The following KIAA1549 variants were observed in gnomAD, a reference collection of about 807,000 sequenced individuals.
KIAA1549 encodes the protein KIAA1549.
In KIAA1549, 70 loss-of-function variants were observed where a neutral mutation model predicts 156.4. The ratio of observed to expected loss-of-function variants is 0.45; its 90% CI spans 0.37 to 0.55. KIAA1549 has a LOEUF of 0.55. Ranked by LOEUF, KIAA1549 falls within the 20% of genes least tolerant of loss-of-function variation. The pLI, the probability that KIAA1549 is intolerant of heterozygous loss-of-function variation, is 0.00. For missense variants in KIAA1549, 2,428 were observed against 2,540.9 expected (o/e 0.96, Z 0.96); for synonymous variants, 1,103 against 1,066.4 (o/e 1.03, Z -0.67).
In KIAA1549 at chr7:138,833,055, G is replaced by A. The variant is rs184304912; in HGVS notation, c.*4851C>T. 41 of 231,926 alleles carry A rather than the reference G, an allele frequency of 1.8e-4. 1 individual carries two copies. Among genetic ancestry groups the A allele is most frequent in the African/African-American group, 6.4e-4 (29 of 45,370 alleles). 14.4% of individuals were successfully genotyped at this position (231,926 alleles called of 1,614,324 possible). A position where few individuals can be genotyped will look rare whatever the true frequency, so the allele number is the denominator to read the frequency against. On this transcript the variant is annotated 3_prime_UTR_variant, in exon 20 of 20. Coordinates refer to ENST00000422774, the MANE Select transcript of KIAA1549 (RefSeq NM_001164665.2). ...TTTGTGTTCACATGCTCTGTCTGCCGGTACAGAAGTGGACTTCCTCCTGCT... is the reference window on the plus strand; with the variant it reads ...TTTGTGTTCACATGCTCTGTCTGCCAGTACAGAAGTGGACTTCCTCCTGCT...
rs1312462035 is a variant in KIAA1549 at position 138,833,644 on chromosome 7, A to AAT, written c.*4260_*4261dup. The AAT allele has an allele frequency of 1.7e-5, 4 of 231,660 alleles. No homozygotes were observed. The highest frequency in any genetic ancestry group is 2.5e-5 in the Non-Finnish European group (3 of 117,664). 14.4% of individuals were successfully genotyped at this position (231,660 alleles called of 1,614,324 possible). On this transcript the variant is annotated 3_prime_UTR_variant, in exon 20 of 20. Coordinates refer to ENST00000422774, the MANE Select transcript of KIAA1549 (RefSeq NM_001164665.2). Reference sequence around the variant, plus strand: ...TGTGTAGGTAGCAGTAAAGAAGCTGAATATATATATAGATAGATAGACAGA... The same window carrying AAT: ...TGTGTAGGTAGCAGTAAAGAAGCTGAATATATATATATAGATAGATAGACAGA...
At chr7:138,892,740 A>T (rs182536042) in intron 10 of KIAA1549, among the ~76,000 whole-genome samples, 3 of 152,352 alleles carry the variant, frequency 2.0e-5, no homozygotes, top group African/African-American at 7.2e-5. Flanking sequence ...AAGTAAAATA[A>T]ATTTTAAAGT....
At chr7:138,867,860 G>A in intron 15 of KIAA1549, 115 bp downstream of exon 15, 1 of 1,138,446 alleles carries the variant, frequency 8.8e-7, no homozygotes, top group Admixed American at 2.3e-5. Flanking sequence ...TCAGGCATCA[G>A]GCACTGATAC....
At chr7:138,874,774 C>T (rs974958514) in intron 12 of KIAA1549, among the ~76,000 whole-genome samples, 10 of 152,106 alleles carry the variant, frequency 6.6e-5, no homozygotes, top group African/African-American at 2.2e-4. Context: ...TAGGCTGAGG[C>T]GGGAGGGTAA....
intron 1 of KIAA1549, among the ~76,000 whole-genome samples, chr7:138,931,600 A>G (rs546379293): frequency 1.6e-4 from 24 of 152,184 alleles, no homozygotes; most frequent in Admixed American, 3.9e-4. Context: ...AAAAATACAA[A>G]AACTAGCCAG....
intron 18 of KIAA1549, among the ~76,000 whole-genome samples, chr7:138,842,556 G>A (rs750608905): frequency 5.9e-5 from 9 of 152,038 alleles, no homozygotes; most frequent in Non-Finnish European, 8.8e-5. Context: ...ACGCAGTGGC[G>A]GGCACCTGTA....
At chr7:138,859,662 C>G (rs1434907784) in intron 16 of KIAA1549, among the ~76,000 whole-genome samples, 1 of 152,188 alleles carries the variant, frequency 6.6e-6, no homozygotes, top group Non-Finnish European at 1.5e-5. Context: ...TGCACCATGA[C>G]TAGAAACTCC....
intron 6 of KIAA1549, among the ~76,000 whole-genome samples, chr7:138,906,244 C>A (rs10954638): frequency 0.15 from 22,647 of 152,220 alleles, 2,049 homozygotes; most frequent in Middle Eastern, 0.24. Flanking sequence ...GAATCCATGC[C>A]ATTTGCATGT....
intron 1 of KIAA1549, among the ~76,000 whole-genome samples, chr7:138,948,127 A>G (rs768945654): frequency 2.0e-5 from 3 of 152,150 alleles, no homozygotes; most frequent in Non-Finnish European, 2.9e-5. Context: ...CCCAAAAAAG[A>G]TATTTTGAAG....
chr7:138,947,199 G>A (rs945496208), intron 1 of KIAA1549, among the ~76,000 whole-genome samples: 2 of 152,164 alleles, frequency 1.3e-5, no homozygotes, highest in East Asian at 1.9e-4. Context: ...AAGATGAAAC[G>A]TTAATAAAAT....
intron 7 of KIAA1549, 73 bp downstream of exon 7, chr7:138,904,949 G>T (rs1318646772): frequency 6.8e-6 from 6 of 881,758 alleles, no homozygotes; most frequent in Non-Finnish European, 8.9e-6. Context: ...AAGAAAGGCA[G>T]CATCATTCTC....
intron 1 of KIAA1549, among the ~76,000 whole-genome samples, chr7:138,955,073 G>A (rs113088233): frequency 5.9e-5 from 9 of 152,240 alleles, no homozygotes; most frequent in African/African-American, 1.9e-4. Flanking sequence ...TTCAAACACC[G>A]ATCAGTGTCC....
At chr7:138,884,191 G>A (rs1044067868) in intron 10 of KIAA1549, among the ~76,000 whole-genome samples, 1 of 152,210 alleles carries the variant, frequency 6.6e-6, no homozygotes, top group African/African-American at 2.4e-5. Context: ...GAACACTGTG[G>A]AGGTTCCTGG....
intron 1 of KIAA1549, among the ~76,000 whole-genome samples, chr7:138,961,481 C>A (rs551718980): frequency 2.6e-5 from 4 of 152,186 alleles, no homozygotes; most frequent in South Asian, 4.1e-4. Flanking sequence ...TATCACCCCC[C>A]ACAGGGACCA....
In KIAA1549 at chr7:138,834,990, A is replaced by G. The variant is rs191637263; in HGVS notation, c.*2916T>C. The G allele has an allele frequency of 4.4e-6, 1 of 227,942 alleles. No homozygotes were observed. The highest frequency in any genetic ancestry group is 6.3e-5 in the East Asian group (1 of 15,858). 14.1% of individuals were successfully genotyped at this position (227,942 alleles called of 1,614,324 possible). A position where few individuals can be genotyped will look rare whatever the true frequency, so the allele number is the denominator to read the frequency against. On this transcript the variant is annotated 3_prime_UTR_variant, in exon 20 of 20. Coordinates refer to ENST00000422774, the MANE Select transcript of KIAA1549 (RefSeq NM_001164665.2). Reference sequence around the variant, plus strand: ...AGTCTCTGAAAAAAAAAAAAACAACATTTCTCCAAACATTCTGACTCAAAT... The same window carrying G: ...AGTCTCTGAAAAAAAAAAAAACAACGTTTCTCCAAACATTCTGACTCAAAT...
chr7:138,961,438 C>A (rs1393284353), intron 1 of KIAA1549, among the ~76,000 whole-genome samples: 1 of 151,986 alleles, frequency 6.6e-6, no homozygotes, highest in Non-Finnish European at 1.5e-5. Flanking sequence ...GGGATCGGCC[C>A]CATGATGCGC....
At chr7:138,934,313 G>A (rs1443999211) in intron 1 of KIAA1549, among the ~76,000 whole-genome samples, 1 of 151,696 alleles carries the variant, frequency 6.6e-6, no homozygotes, top group Non-Finnish European at 1.5e-5. Context: ...GACTGAGAGA[G>A]TGAGTCCAGA....
intron 19 of KIAA1549, among the ~76,000 whole-genome samples, chr7:138,839,127 A>C: frequency 6.6e-6 from 1 of 152,226 alleles, no homozygotes; most frequent in Non-Finnish European, 1.5e-5. Flanking sequence ...TCTAAGTATA[A>C]CAATGTCTCT....
At chr7:138,912,258 G>C (rs1195414456) in intron 3 of KIAA1549, 114 bp downstream of exon 3, 5 of 765,112 alleles carry the variant, frequency 6.5e-6, no homozygotes, top group African/African-American at 1.7e-5. Flanking sequence ...ACAGACAAGA[G>C]GGAAGAGATG....
Sources: gnomAD v4.1 joint callset for allele counts (sites outside exome capture counted in the v4.1 genomes callset) on GRCh38, gnomAD v4.1.1 for gene constraint, MANE v1.5 for transcripts, NCBI Gene and HGNC (gene_info 2026-07-23, HGNC 2026-07-21) for gene names.